Variants in INSYN2B observed in about 807,000 individuals in gnomAD.
The protein encoded by INSYN2B is protein INSYN2B.
INSYN2B carries 16 observed loss-of-function variants against 41.2 expected under a neutral mutation model. That is an observed-to-expected ratio of 0.39 (90% CI 0.26 to 0.59). The LOEUF is 0.59. Among genes scored for constraint, INSYN2B ranks in the 20% least tolerant of loss-of-function variants. INSYN2B has a pLI of 0.57. For missense variants in INSYN2B, 608 were observed against 646.4 expected (o/e 0.94, Z 0.64); for synonymous variants, 245 against 244.4 (o/e 1.00, Z -0.02).
At chr5:169,972,368 G>C (rs1485988248) in intron 1 of INSYN2B, among the ~76,000 whole-genome samples, 1 of 152,108 alleles carries the variant, frequency 6.6e-6, no homozygotes, top group Non-Finnish European at 1.5e-5. Flanking sequence ...CTTGGGGCTG[G>C]ATCATTTTCT....
Position 169,861,904 on chromosome 5 carries a change from A to G in INSYN2B, c.*2369T>C, listed in dbSNP as rs2113409938. Among the ~76,000 whole-genome samples, 1 of 151,632 alleles carries G rather than the reference A, an allele frequency of 6.6e-6. No individual in the cohort carries two copies. The highest frequency in any genetic ancestry group is 2.4e-5 in the African/African-American group (1 of 41,432). ...TTTGGCTGTATTTCTAGAAATGTCA[A>G]CATTTTATTTATTTTTTTCTTTTCT... is the stretch of plus-strand genomic sequence containing the variant. On this transcript the variant is annotated 3_prime_UTR_variant, in exon 4 of 4. Coordinates refer to ENST00000377365, the MANE Select transcript of INSYN2B (RefSeq NM_001129891.3).
At chr5:169,927,307 G>T (rs1775508589) in intron 1 of INSYN2B, among the ~76,000 whole-genome samples, 1 of 152,196 alleles carries the variant, frequency 6.6e-6, no homozygotes, top group Admixed American at 6.5e-5. Flanking sequence ...GGGTTGAGTT[G>T]TAATGCAAGG....
intron 1 of INSYN2B, among the ~76,000 whole-genome samples, chr5:169,893,281 G>A (rs936379540): frequency 1.3e-5 from 2 of 152,148 alleles, no homozygotes; most frequent in African/African-American, 2.4e-5. Context: ...GTCACCTCCA[G>A]CTTGCTTTCT....
intron 1 of INSYN2B, among the ~76,000 whole-genome samples, chr5:169,938,917 T>TTG (rs1227772059): frequency 1.3e-5 from 2 of 151,584 alleles, no homozygotes; most frequent in African/African-American, 4.8e-5. Context: ...TTTCTTTTTT[T>TTG]TTTTGAAATG....
chr5:169,921,481 G>A (rs1311522690), intron 1 of INSYN2B, among the ~76,000 whole-genome samples: 1 of 152,160 alleles, frequency 6.6e-6, no homozygotes, highest in Non-Finnish European at 1.5e-5. Flanking sequence ...CACATTCCAT[G>A]GAACACTAAG....
At chr5:169,875,329 G>A (rs950819085) in intron 3 of INSYN2B, 1 of 456,702 alleles carries the variant, frequency 2.2e-6, no homozygotes, top group Non-Finnish European at 4.4e-6. Flanking sequence ...CACCCAGGAG[G>A]TTCCGATGCA....
intron 1 of INSYN2B, among the ~76,000 whole-genome samples, chr5:169,944,209 TATGTAACTG>T (rs1776358102): frequency 6.6e-6 from 1 of 152,160 alleles, no homozygotes; most frequent in South Asian, 2.1e-4. Context: ...GCCCTGGATT[TATGTAACTG>T]AGAGCTGGTG....
intron 3 of INSYN2B, among the ~76,000 whole-genome samples, chr5:169,865,699 T>TG (rs1238392556): frequency 2.0e-5 from 3 of 152,138 alleles, no homozygotes; most frequent in Non-Finnish European, 4.4e-5. Flanking sequence ...GTGTGGGAAG[T>TG]GGAGGAAACG....
rs562383436 is a variant in INSYN2B, at chr5:169,906,609, G to T, written c.-918-21793C>A. Among the ~76,000 whole-genome samples the T allele has an allele frequency of 7.9e-5, 12 of 152,276 alleles. No homozygotes were observed. The East Asian group carries it at 2.1e-3, about 27-fold the overall frequency. On this transcript the variant is annotated intron_variant, in intron 1 of 3. Transcript: ENST00000377365. ...AGCCTCCCAAAGTGCTGGGGTTACG[G>T]GTATGAGCCACCCATGCCTGGCCAA...
intron 1 of INSYN2B, among the ~76,000 whole-genome samples, chr5:169,896,709 A>C (rs1561804673): frequency 6.6e-6 from 1 of 152,134 alleles, no homozygotes; most frequent in African/African-American, 2.4e-5. Flanking sequence ...TCTATCACTC[A>C]CTAGTCGCCA....
chr5:169,908,226 A>C (rs1224472960), intron 1 of INSYN2B, among the ~76,000 whole-genome samples: 1 of 152,192 alleles, frequency 6.6e-6, no homozygotes, highest in Non-Finnish European at 1.5e-5. Flanking sequence ...ATTTAAGCTC[A>C]GTTTTATTTT....
intron 1 of INSYN2B, among the ~76,000 whole-genome samples, chr5:169,948,831 CT>C (rs559522558): frequency 1.3e-5 from 2 of 149,556 alleles, no homozygotes; most frequent in African/African-American, 2.4e-5. Flanking sequence ...TGGTTTGTCT[CT>C]TTTTTTTTTC....
At chr5:169,927,062 G>A (rs1177557724) in intron 1 of INSYN2B, among the ~76,000 whole-genome samples, 1 of 152,184 alleles carries the variant, frequency 6.6e-6, no homozygotes, top group Non-Finnish European at 1.5e-5. Context: ...GACCAATATG[G>A]TATATTCTTC....
intron 1 of INSYN2B, among the ~76,000 whole-genome samples, chr5:169,896,689 A>C (rs1255556728): frequency 6.6e-6 from 1 of 152,244 alleles, no homozygotes; most frequent in Non-Finnish European, 1.5e-5. Flanking sequence ...TGTGAGAACC[A>C]GCAAAGATTT....
chr5:169,942,324 C>A (rs1776274918), intron 1 of INSYN2B, among the ~76,000 whole-genome samples: 1 of 152,128 alleles, frequency 6.6e-6, no homozygotes, highest in African/African-American at 2.4e-5. Context: ...CATGCCTCTC[C>A]CATGGTCTAA....
At chr5:169,907,787 A>G (rs1364569483) in intron 1 of INSYN2B, among the ~76,000 whole-genome samples, 1 of 152,158 alleles carries the variant, frequency 6.6e-6, no homozygotes, top group Non-Finnish European at 1.5e-5. Flanking sequence ...TTACAGGGAC[A>G]TTTGGAAAAG....
chr5:169,874,229 A>G (rs1772168480), intron 3 of INSYN2B, among the ~76,000 whole-genome samples: 1 of 152,042 alleles, frequency 6.6e-6, no homozygotes, highest in South Asian at 2.1e-4. Flanking sequence ...CCTGGCCAAC[A>G]TGGTGAAACC....
chr5:169,978,392 T>TGGGGGGGGGGGGG (rs150934804), intron 1 of INSYN2B, among the ~76,000 whole-genome samples: 1 of 22,746 alleles, frequency 4.4e-5, no homozygotes, highest in African/African-American at 1.1e-4. Context: ...TGTGTGTGTG[T>TGGGGGGGGGGGGG]GGGGGGGGGG....
At chr5:169,977,360 AG>A (rs1777752195) in intron 1 of INSYN2B, among the ~76,000 whole-genome samples, 1 of 152,242 alleles carries the variant, frequency 6.6e-6, no homozygotes, top group African/African-American at 2.4e-5. Flanking sequence ...TGTCCAGGTC[AG>A]GAATTTCAAT....
Sources: allele counts gnomAD v4.1 joint callset (sites outside exome capture counted in the v4.1 genomes callset), GRCh38; gene constraint gnomAD v4.1.1; transcripts MANE v1.5; gene names NCBI Gene and HGNC (gene_info 2026-07-23, HGNC 2026-07-21).